Variants in SGK3 observed in about 807,000 individuals in gnomAD.
SGK3 encodes the protein serine/threonine-protein kinase Sgk3.
SGK3 carries 47 observed loss-of-function variants against 68.5 expected under a neutral mutation model. The observed-to-expected ratio is 0.69, with a 90% CI of 0.54 to 0.87. The LOEUF (loss-of-function observed/expected upper bound fraction) is 0.87, where lower values mean the gene tolerates loss of function less well. Ranked by LOEUF, SGK3 falls within the 40% of genes least tolerant of loss-of-function variation. The pLI is 0.00. For missense variants in SGK3, 479 were observed against 575.5 expected, an observed-to-expected ratio of 0.83 and a Z score of 1.72; for synonymous variants, 181 against 189.1, an observed-to-expected ratio of 0.96 and a Z score of 0.35.
At chr8:66,835,261 T>A (rs1809475677) in intron 8 of SGK3, among the ~76,000 whole-genome samples, 2 of 152,310 alleles carry the variant, frequency 1.3e-5, no homozygotes, top group South Asian at 4.1e-4. Flanking sequence ...TTTCTTCAGA[T>A]TCTTTAAAGC....
In SGK3 at chr8:66,821,772, G is replaced by A. The variant is rs184715550; in HGVS notation, c.330-600G>A. Among the ~76,000 whole-genome samples, 60 of 143,414 alleles carry A rather than the reference G, an allele frequency of 4.2e-4. No individual in the cohort carries two copies. In the East Asian group the frequency reaches 6.6e-3, roughly 16 times the overall value. The allele number at this position is 143,414 out of a possible 152,430, so 94.1% of individuals were successfully genotyped here. A position where few individuals can be genotyped will look rare whatever the true frequency, so the allele number is the denominator to read the frequency against. On this transcript the variant is annotated intron_variant, in intron 5 of 16. Transcript: ENST00000521198. ...GATCTCCTGACCTCGTGATCCGCCC[G>A]CCTCTGCTTCCCAAAGTGCTGGGAT...
At chr8:66,843,412 T>A in intron 13 of SGK3, 40 bp from the exon 14 acceptor site, 2 of 1,578,250 alleles carry the variant, frequency 1.3e-6, no homozygotes, top group Non-Finnish European at 8.6e-7. Context: ...TGTCTTGATT[T>A]GTTTACTGAC....
intron 2 of SGK3, among the ~76,000 whole-genome samples, chr8:66,796,560 A>G (rs1195199792): frequency 1.3e-5 from 2 of 151,396 alleles, no homozygotes; most frequent in East Asian, 3.9e-4. Context: ...AGCCTCCCGA[A>G]GTGCTGGGAT....
chr8:66,823,538 C>T (rs922192851), intron 6 of SGK3, among the ~76,000 whole-genome samples: 1 of 152,052 alleles, frequency 6.6e-6, no homozygotes, highest in Non-Finnish European at 1.5e-5. Context: ...GCTGGGGCTA[C>T]AGGTGCCTGC....
intron 16 of SGK3, among the ~76,000 whole-genome samples, chr8:66,852,439 G>A (rs771854231): frequency 6.6e-6 from 1 of 151,882 alleles, no homozygotes; most frequent in African/African-American, 2.4e-5. Flanking sequence ...GCGCCACCAC[G>A]CCCAGCTAAT....
intron 16 of SGK3, among the ~76,000 whole-genome samples, chr8:66,855,478 C>T (rs1026301864): frequency 6.6e-6 from 1 of 152,184 alleles, no homozygotes; most frequent in Non-Finnish European, 1.5e-5. Context: ...GCTGGGATTA[C>T]AGGCATGAGC....
chr8:66,820,142 C>T (rs1808751082), intron 5 of SGK3, among the ~76,000 whole-genome samples: 1 of 152,092 alleles, frequency 6.6e-6, no homozygotes, highest in Admixed American at 6.6e-5. Flanking sequence ...ATTCACGATG[C>T]TTTACAACCA....
chr8:66,776,892 G>C (rs1370728214), intron 1 of SGK3, among the ~76,000 whole-genome samples: 3 of 152,134 alleles, frequency 2.0e-5, no homozygotes, highest in Non-Finnish European at 4.4e-5. Flanking sequence ...CTTTGGTTTT[G>C]TCCTTTTAAA....
intron 1 of SGK3, among the ~76,000 whole-genome samples, chr8:66,768,242 T>G (rs530826420): frequency 9.2e-5 from 14 of 152,292 alleles, no homozygotes; most frequent in African/African-American, 3.4e-4. Context: ...TTGTTAACTT[T>G]TAGAGATTTA....
intron 1 of SGK3, among the ~76,000 whole-genome samples, chr8:66,779,610 T>A (rs1003782295): frequency 3.6e-5 from 5 of 139,064 alleles, no homozygotes; most frequent in Non-Finnish European, 6.2e-5. Flanking sequence ...ATAAAACACA[T>A]TTTTTATATA....
chr8:66,822,423 T>A lies in SGK3; in HGVS notation c.381T>A (p.Asp127Glu), dbSNP rs1808879989. Residue 127 changes from aspartate (D) to glutamate (E), a missense_variant, in exon 6 of 17, where the codon GAT (aspartate) becomes GAA (glutamate). This residue lies in a region of SGK3 where 298 missense variants were observed against 329.4 expected (regional missense o/e 0.90). Transcript: ENST00000521198. ...LQMDSPKHQS[D>E]PSEDEDERSS... ...TGGACAGTCCAAAACACCAGTCAGA[T>A]CCATCTGAAGATGAGGATGAAAGAA... 1 of 1,611,464 alleles carries A rather than the reference T, an allele frequency of 6.2e-7. No individual in the cohort carries two copies. Among genetic ancestry groups the A allele is most frequent in the African/African-American group, 1.3e-5 (1 of 74,860 alleles).
intron 5 of SGK3, 66 bp from the exon 6 acceptor site, chr8:66,822,305 AT>A: frequency 7.0e-7 from 1 of 1,432,114 alleles, no homozygotes; most frequent in Non-Finnish European, 9.4e-7. Flanking sequence ...TTTGATTTTC[AT>A]TTTAAAAGGG....
chr8:66,828,778 A>G lies in SGK3; in HGVS notation c.467+75A>G, dbSNP rs910170382. The G allele has an allele frequency of 3.9e-6, 6 of 1,539,340 alleles. No homozygotes were observed. The African/African-American group carries it at 6.8e-5, about 18-fold the overall frequency. ...CTTTTTTGAGCGTATGCAGATATGT[A>G]TAATTACACTAATTTAACTGTAGGC... On this transcript the variant is annotated intron_variant, in intron 7 of 16. Transcript: ENST00000521198.
chr8:66,802,321 T>C (rs1392372362), intron 3 of SGK3, among the ~76,000 whole-genome samples: 1 of 152,218 alleles, frequency 6.6e-6, no homozygotes, highest in African/African-American at 2.4e-5. Flanking sequence ...GAAAAAAATC[T>C]CTAGGCATTT....
At chr8:66,753,276 T>C (rs1269616972) in intron 1 of SGK3, among the ~76,000 whole-genome samples, 2 of 152,178 alleles carry the variant, frequency 1.3e-5, no homozygotes, top group Non-Finnish European at 2.9e-5. Context: ...CAGAATTCTG[T>C]AGCTTCCATG....
intron 5 of SGK3, among the ~76,000 whole-genome samples, chr8:66,818,136 AAAAC>A (rs1227261136): frequency 4.6e-5 from 7 of 152,180 alleles, no homozygotes; most frequent in African/African-American, 1.7e-4. Flanking sequence ...CAAAAGCAAA[AAAAC>A]AAAGCAAAAC....
At chr8:66,756,907 A>G (rs1038285732) in intron 1 of SGK3, among the ~76,000 whole-genome samples, 2 of 151,682 alleles carry the variant, frequency 1.3e-5, no homozygotes, top group East Asian at 3.9e-4. Context: ...AACTATTTTT[A>G]AAAAGATAAT....
intron 1 of SGK3, among the ~76,000 whole-genome samples, chr8:66,743,825 G>A (rs112353126): frequency 0.024 from 3,700 of 152,180 alleles, 84 homozygotes; most frequent in South Asian, 0.054. Flanking sequence ...AATTTTTTTT[G>A]TACTTGTCTC....
chr8:66,850,795 C>T (rs775124752), intron 15 of SGK3, 36 bp from the exon 16 acceptor site: 41 of 1,552,806 alleles, frequency 2.6e-5, no homozygotes, highest in South Asian at 7.1e-5. Context: ...ATATATTCTT[C>T]GGCATTAGTA....
Sources: allele counts gnomAD v4.1 joint callset (sites outside exome capture counted in the v4.1 genomes callset), GRCh38; gene constraint gnomAD v4.1.1; regional missense constraint gnomAD v4.1.1; transcripts MANE v1.5; gene names NCBI Gene and HGNC (gene_info 2026-07-23, HGNC 2026-07-21).